CNTN6: variants seen among roughly 807,000 people sequenced by gnomAD.
CNTN6 encodes the protein contactin-6.
Under a neutral mutation model 122.8 loss-of-function variants are expected in CNTN6, and 137 were observed. The ratio of observed to expected loss-of-function variants is 1.12; its 90% CI spans 0.97 to 1.29. The LOEUF (loss-of-function observed/expected upper bound fraction) is 1.29. Among genes scored for constraint, CNTN6 ranks in the 50% most tolerant of loss-of-function variants. The probability of loss-of-function intolerance (pLI) is 0.00; values close to 1 mark genes in which losing one functional copy is unlikely to be tolerated. For synonymous variants in CNTN6, 570 were observed against 426.0 expected, an observed-to-expected ratio of 1.34 and a Z score of -4.16; for missense variants, 1,634 against 1,223.4, an observed-to-expected ratio of 1.34 and a Z score of -5.01.
chr3:1,359,709 T>C (rs1707174545), intron 12 of CNTN6, among the ~76,000 whole-genome samples: 1 of 152,018 alleles, frequency 6.6e-6, no homozygotes, highest in African/African-American at 2.4e-5. Flanking sequence ...CGGATTGTAT[T>C]TGCAAAAAGG....
intron 8 of CNTN6, among the ~76,000 whole-genome samples, chr3:1,322,296 AAAG>A (rs1461606802): frequency 4.6e-5 from 7 of 151,548 alleles, no homozygotes; most frequent in South Asian, 2.1e-4. Flanking sequence ...GGTAATATAA[AAAG>A]AAGGCAATTA....
chr3:1,339,260 A>C (rs1575766727), intron 11 of CNTN6, among the ~76,000 whole-genome samples: 1 of 152,030 alleles, frequency 6.6e-6, no homozygotes, highest in Non-Finnish European at 1.5e-5. Flanking sequence ...TCTCACCCTA[A>C]ATCTCCATGG....
At chr3:1,229,797 A>G (rs2094331156) in intron 4 of CNTN6, among the ~76,000 whole-genome samples, 1 of 152,166 alleles carries the variant, frequency 6.6e-6, no homozygotes, top group Admixed American at 6.6e-5. Flanking sequence ...TCTTATCATA[A>G]AATTTTCCAT....
intron 11 of CNTN6, among the ~76,000 whole-genome samples, chr3:1,344,318 G>A (rs754859571): frequency 6.6e-5 from 10 of 152,130 alleles, no homozygotes; most frequent in African/African-American, 1.9e-4. Flanking sequence ...GCTTGACATC[G>A]TAGGTTGTCA....
intron 5 of CNTN6, among the ~76,000 whole-genome samples, chr3:1,279,975 A>G (rs1185508634): frequency 6.6e-6 from 1 of 152,214 alleles, no homozygotes; most frequent in Admixed American, 6.5e-5. Context: ...TTCAGAACAC[A>G]CAATAATTGC....
At chr3:1,396,177 A>G (rs943080949) in intron 20 of CNTN6, among the ~76,000 whole-genome samples, 2 of 152,232 alleles carry the variant, frequency 1.3e-5, no homozygotes, top group Admixed American at 6.5e-5. Context: ...GCTCCTTTCT[A>G]TAACATTCCT....
rs189508828 is a variant in CNTN6 at position 1,099,412 on chromosome 3, T to C, written c.-83+6292T>C. On this transcript the variant is annotated intron_variant, in intron 1 of 22. Transcript: ENST00000446702. The stretch of plus-strand genomic sequence containing the variant: ...CTTGCAGTGAGCCGAGATTGAGCCA[T>C]TACACTCCAGCCTGGGTGACAGAGC... Among the ~76,000 whole-genome samples, 693 of 152,164 alleles carry C rather than the reference T, an allele frequency of 4.6e-3. 5 individuals are homozygous for C. The highest frequency in any genetic ancestry group is 8.9e-3 in the African/African-American group (369 of 41,524).
chr3:1,252,106 A>T (rs1265790725), intron 4 of CNTN6, among the ~76,000 whole-genome samples: 1 of 152,196 alleles, frequency 6.6e-6, no homozygotes, highest in Non-Finnish European at 1.5e-5. Flanking sequence ...TTTGCTACAA[A>T]GTCCTGAAGG....
At chr3:1,308,273 A>G (rs534811729) in intron 7 of CNTN6, among the ~76,000 whole-genome samples, 5 of 135,880 alleles carry the variant, frequency 3.7e-5, no homozygotes, top group South Asian at 2.5e-4. Context: ...GCACTCATCA[A>G]TGTATGGGGT....
chr3:1,307,480 C>A (rs1333970404), intron 7 of CNTN6, among the ~76,000 whole-genome samples: 1 of 149,184 alleles, frequency 6.7e-6, no homozygotes, highest in Non-Finnish European at 1.5e-5. Context: ...AACCCCCCCA[C>A]ACACAATTTC....
At chr3:1,394,541 G>C (rs1315471789) in intron 20 of CNTN6, 1 of 152,444 alleles carries the variant, frequency 6.6e-6, no homozygotes, top group East Asian at 1.9e-4. Flanking sequence ...ACCTGCAACG[G>C]GGCACCTGAC....
chr3:1,116,395 A>G (rs2091719869), intron 1 of CNTN6, among the ~76,000 whole-genome samples: 1 of 152,218 alleles, frequency 6.6e-6, no homozygotes, highest in African/African-American at 2.4e-5. Flanking sequence ...AAACAAACAA[A>G]CAAACAAAAC....
At chr3:1,186,453 T>C (rs2093629356) in intron 2 of CNTN6, among the ~76,000 whole-genome samples, 1 of 152,078 alleles carries the variant, frequency 6.6e-6, no homozygotes, top group Non-Finnish European at 1.5e-5. Context: ...AAAAAAAATC[T>C]TTAATTTAGA....
At chr3:1,257,873 C>A (rs3772335) in intron 4 of CNTN6, among the ~76,000 whole-genome samples, 59 of 151,824 alleles carry the variant, frequency 3.9e-4, no homozygotes, top group African/African-American at 1.3e-3. Context: ...TTTCTGATGC[C>A]TTATTCTTCC....
At chr3:1,203,055 A>T (rs531004261) in intron 2 of CNTN6, among the ~76,000 whole-genome samples, 5 of 152,224 alleles carry the variant, frequency 3.3e-5, no homozygotes, top group Non-Finnish European at 7.3e-5. Context: ...AAGAAAGTTG[A>T]CTTTACCAAG....
chr3:1,383,804 A>C (rs1237840017), intron 19 of CNTN6, among the ~76,000 whole-genome samples: 1 of 152,232 alleles, frequency 6.6e-6, no homozygotes, highest in Non-Finnish European at 1.5e-5. Context: ...ACTTCTAATT[A>C]CATGCAAATT....
intron 4 of CNTN6, among the ~76,000 whole-genome samples, chr3:1,252,747 A>T (rs2094691047): frequency 6.6e-6 from 1 of 152,150 alleles, no homozygotes; most frequent in Non-Finnish European, 1.5e-5. Context: ...ACCACACTCA[A>T]GGGGAAAGAC....
At chr3:1,097,827 A>G (rs1256547090) in intron 1 of CNTN6, among the ~76,000 whole-genome samples, 5 of 152,202 alleles carry the variant, frequency 3.3e-5, no homozygotes, top group African/African-American at 1.2e-4. Flanking sequence ...TAACATTTAT[A>G]TATGAGCCTT....
intron 1 of CNTN6, among the ~76,000 whole-genome samples, chr3:1,112,884 G>T (rs1052387900): frequency 6.6e-6 from 1 of 152,060 alleles, no homozygotes; most frequent in South Asian, 2.1e-4. Flanking sequence ...AAGTTGTATT[G>T]GGGAGAAAAG....
Sources: gnomAD v4.1 joint callset for allele counts (sites outside exome capture counted in the v4.1 genomes callset) on GRCh38, gnomAD v4.1.1 for gene constraint, MANE v1.5 for transcripts, NCBI Gene and HGNC (gene_info 2026-07-23, HGNC 2026-07-21) for gene names.